The following TENM3 variants were observed in gnomAD, a reference collection of about 807,000 sequenced individuals.
TENM3 encodes teneurin-3.
A neutral mutation model predicts 255.1 loss-of-function variants in TENM3; 63 were observed. The ratio of observed to expected loss-of-function variants is 0.25; its 90% confidence interval spans 0.20 to 0.30. The LOEUF (loss-of-function observed/expected upper bound fraction) is 0.30. Ranked by LOEUF, TENM3 falls within the 10% of genes least tolerant of loss-of-function variation. The pLI is 1.00. For synonymous variants in TENM3, 1,306 were observed against 1,322.3 expected (o/e 0.99, Z 0.27); for missense variants, 2,929 against 3,461.1 (o/e 0.85, Z 3.86).
At chr4:182,025,073 G>C in the TENM3 span, among the ~76,000 whole-genome samples, 3 of 142,508 alleles carry the variant, frequency 2.1e-5, no homozygotes, top group Admixed American at 2.1e-4. Context: ...TTGTTGCCCA[G>C]GCTGGAGTGC....
the TENM3 span, among the ~76,000 whole-genome samples, chr4:181,578,492 C>T: frequency 6.6e-6 from 1 of 152,204 alleles, no homozygotes; most frequent in Non-Finnish European, 1.5e-5. Flanking sequence ...AAGCTTCTGT[C>T]CACTGCCCGC....
the TENM3 span, among the ~76,000 whole-genome samples, chr4:181,591,978 A>T: frequency 1.5e-4 from 22 of 151,716 alleles, no homozygotes; most frequent in Admixed American, 1.4e-3. Context: ...AAGAGTCCAT[A>T]CTCTATGATT....
intron 1 of TENM3, among the ~76,000 whole-genome samples, chr4:182,246,742 G>A (rs906399518): frequency 6.6e-6 from 1 of 152,218 alleles, no homozygotes; most frequent in Non-Finnish European, 1.5e-5. Context: ...TCCAGGGCGG[G>A]GGCGTTCCCT....
intron 3 of TENM3, among the ~76,000 whole-genome samples, chr4:182,386,526 G>A (rs1235655435): frequency 6.6e-6 from 1 of 152,202 alleles, no homozygotes; most frequent in Non-Finnish European, 1.5e-5. Flanking sequence ...ACCAAGGCTG[G>A]AGCCCGCTCC....
At chr4:181,472,234 A>G in the TENM3 span, among the ~76,000 whole-genome samples, 2 of 152,080 alleles carry the variant, frequency 1.3e-5, no homozygotes, top group Non-Finnish European at 2.9e-5. Flanking sequence ...TTGTGAGAGG[A>G]AGTAGGAGGC....
intron 3 of TENM3, among the ~76,000 whole-genome samples, chr4:182,407,341 C>A (rs1287118716): frequency 6.6e-6 from 1 of 152,092 alleles, no homozygotes; most frequent in East Asian, 1.9e-4. Flanking sequence ...AGTGGAATAG[C>A]GATTCTCAGG....
At chr4:181,630,870 C>A in the TENM3 span, among the ~76,000 whole-genome samples, 1 of 151,948 alleles carries the variant, frequency 6.6e-6, no homozygotes, top group Non-Finnish European at 1.5e-5. Context: ...GGTGTGCACA[C>A]ATTTTTTATT....
At chr4:182,527,255 T>C (rs1739294310) in intron 3 of TENM3, among the ~76,000 whole-genome samples, 1 of 152,224 alleles carries the variant, frequency 6.6e-6, no homozygotes, top group Non-Finnish European at 1.5e-5. Flanking sequence ...ACTTTTGTTT[T>C]TTAACTTTCT....
At chr4:182,533,010 C>T (rs958138964) in intron 3 of TENM3, among the ~76,000 whole-genome samples, 5 of 152,108 alleles carry the variant, frequency 3.3e-5, no homozygotes, top group Non-Finnish European at 5.9e-5. Context: ...AGTGATTCCC[C>T]GATTATGATC....
chr4:182,728,731 G>A (rs1447128311), intron 13 of TENM3, among the ~76,000 whole-genome samples: 3 of 152,126 alleles, frequency 2.0e-5, no homozygotes, highest in African/African-American at 4.8e-5. Context: ...TAAAAATACA[G>A]CATTATTATC....
chr4:182,645,536 A>G (rs1274117635), intron 5 of TENM3, among the ~76,000 whole-genome samples: 1 of 152,172 alleles, frequency 6.6e-6, no homozygotes, highest in African/African-American at 2.4e-5. Context: ...TGTAATTGCA[A>G]CTGGGCCCAA....
chr4:181,736,730 C>T, the TENM3 span, among the ~76,000 whole-genome samples: 2 of 152,020 alleles, frequency 1.3e-5, no homozygotes, highest in East Asian at 1.9e-4. Flanking sequence ...GAATTGGAGC[C>T]GACTGAGCCT....
chr4:181,738,159 C>T, the TENM3 span, among the ~76,000 whole-genome samples: 218 of 152,194 alleles, frequency 1.4e-3, 1 homozygote, highest in African/African-American at 3.8e-3. Context: ...ACATACTGCA[C>T]GAGCTATATA....
intron 3 of TENM3, among the ~76,000 whole-genome samples, chr4:182,381,937 C>T (rs139160465): frequency 3.9e-4 from 60 of 152,240 alleles, no homozygotes; most frequent in Non-Finnish European, 7.9e-4. Context: ...ATGTGGTCCT[C>T]ATTTTGTGCT....
chr4:182,572,595 G>A (rs568818988), intron 3 of TENM3, among the ~76,000 whole-genome samples: 1 of 152,226 alleles, frequency 6.6e-6, no homozygotes, highest in East Asian at 1.9e-4. Context: ...ACAGATGGGT[G>A]TACCTCTTTC....
the TENM3 span, among the ~76,000 whole-genome samples, chr4:182,038,135 G>A: frequency 1.3e-5 from 2 of 152,158 alleles, no homozygotes; most frequent in Admixed American, 6.5e-5. Flanking sequence ...TCTCAAGATA[G>A]TCTATGCTAA....
intron 1 of TENM3, among the ~76,000 whole-genome samples, chr4:182,318,649 G>A (rs1043596415): frequency 6.6e-6 from 1 of 152,160 alleles, no homozygotes; most frequent in Non-Finnish European, 1.5e-5. Flanking sequence ...GCCCAGCTGT[G>A]GTTTCCAGAG....
the TENM3 span, among the ~76,000 whole-genome samples, chr4:181,727,299 T>C: frequency 2.0e-5 from 3 of 152,154 alleles, no homozygotes; most frequent in Non-Finnish European, 4.4e-5. Flanking sequence ...CTCATTAACA[T>C]AGGCTCAGGT....
chr4:182,231,637 A>G (rs1756587659), intron 1 of TENM3, among the ~76,000 whole-genome samples: 1 of 152,302 alleles, frequency 6.6e-6, no homozygotes, highest in South Asian at 2.1e-4. Flanking sequence ...CTCTCGCCCC[A>G]TGAGGTCCTC....
Sources: gnomAD v4.1 joint callset for allele counts (sites outside exome capture counted in the v4.1 genomes callset) on GRCh38, gnomAD v4.1.1 for gene constraint, MANE v1.5 for transcripts, NCBI Gene and HGNC (gene_info 2026-07-23, HGNC 2026-07-21) for gene names.